NDUFA10: variants seen among roughly 807,000 people sequenced by gnomAD.
NDUFA10 encodes NADH dehydrogenase [ubiquinone] 1 alpha subcomplex subunit 10, mitochondrial.
In NDUFA10, 40 loss-of-function variants were observed where a neutral mutation model predicts 47.8. The ratio of observed to expected loss-of-function variants is 0.84; its 90% CI spans 0.65 to 1.09. NDUFA10 has a LOEUF of 1.09. Among genes scored for constraint, NDUFA10 ranks in the 50% least tolerant of loss-of-function variants. NDUFA10 has a pLI of 0.00. For synonymous variants in NDUFA10, 183 were observed against 172.2 expected, an observed-to-expected ratio of 1.06 and a Z score of -0.49; for missense variants, 413 against 451.1, an observed-to-expected ratio of 0.92 and a Z score of 0.76.
chr2:239,926,181 A>T (rs1389487039), intron 4 of NDUFA10, among the ~76,000 whole-genome samples: 8 of 152,216 alleles, frequency 5.3e-5, no homozygotes, highest in Admixed American at 5.2e-4. Context: ...TCTACACAAA[A>T]ACTTGTATAT....
At chr2:239,936,287 A>G (rs10469796) in intron 4 of NDUFA10, among the ~76,000 whole-genome samples, 16,989 of 152,262 alleles carry the variant, frequency 0.11, 1,046 homozygotes, top group African/African-American at 0.15. Context: ...GCAGGGCAGC[A>G]GGACATGGTA....
At chr2:239,991,132 G>A (rs1016347126) in intron 8 of NDUFA10, among the ~76,000 whole-genome samples, 4 of 152,154 alleles carry the variant, frequency 2.6e-5, no homozygotes, top group Admixed American at 2.0e-4. Context: ...ACAGTACCCA[G>A]GTAGGCTCTC....
intron 4 of NDUFA10, among the ~76,000 whole-genome samples, chr2:239,897,775 C>T (rs1396449472): frequency 2.0e-5 from 3 of 152,312 alleles, no homozygotes; most frequent in African/African-American, 7.2e-5. Flanking sequence ...CTGATGGCCG[C>T]CCTGGAGGTC....
Sources: allele counts gnomAD v4.1 joint callset (sites outside exome capture counted in the v4.1 genomes callset), GRCh38; gene constraint gnomAD v4.1.1; transcripts MANE v1.5; gene names NCBI Gene and HGNC (gene_info 2026-07-23, HGNC 2026-07-21).